Variants in MINK1 observed in about 807,000 individuals in gnomAD.
MINK1 encodes the protein misshapen like kinase 1.
A neutral mutation model predicts 178.4 loss-of-function variants in MINK1; 46 were observed. The ratio of observed to expected loss-of-function variants is 0.26; its 90% CI spans 0.20 to 0.33. The LOEUF is 0.33. Among genes scored for constraint, MINK1 ranks in the 10% least tolerant of loss-of-function variants. The probability of loss-of-function intolerance (pLI) is 1.00; values close to 1 mark genes in which losing one functional copy is unlikely to be tolerated. For synonymous variants in MINK1, 797 were observed against 709.7 expected, an observed-to-expected ratio of 1.12 and a Z score of -1.96; for missense variants, 1,366 against 1,814.9, an observed-to-expected ratio of 0.75 and a Z score of 4.49.
intron 1 of MINK1, among the ~76,000 whole-genome samples, chr17:4,868,668 G>A (rs1043167612): frequency 6.6e-6 from 1 of 152,140 alleles, no homozygotes; most frequent in Admixed American, 6.6e-5. Context: ...TTAGGTTAAC[G>A]CTATATCTTG....
chr17:4,835,535 G>T (rs984938239), intron 1 of MINK1, among the ~76,000 whole-genome samples: 1 of 152,198 alleles, frequency 6.6e-6, no homozygotes, highest in Non-Finnish European at 1.5e-5. Context: ...GCTGAGGCAG[G>T]AGAACTGCTT....
intron 4 of MINK1, chr17:4,883,251 C>A (rs1967873885): frequency 1.3e-5 from 2 of 149,064 alleles, no homozygotes; most frequent in South Asian, 4.3e-4. Flanking sequence ...GTCACTCAGG[C>A]TGGAGTGCAG....
At chr17:4,859,227 G>GTTCTTC (rs1180498110) in intron 1 of MINK1, 51 of 985,234 alleles carry the variant, frequency 5.2e-5, no homozygotes, top group Non-Finnish European at 6.0e-5. Context: ...TATGGTTCCA[G>GTTCTTC]TTCTTCTACC....
chr17:4,892,590 T>C, intron 18 of MINK1, 66 bp from the exon 19 acceptor site: 1 of 1,542,998 alleles, frequency 6.5e-7, no homozygotes, highest in Admixed American at 1.8e-5. Context: ...CCCTCTGCAG[T>C]GCAGCTCAGC....
chr17:4,847,593 A>C (rs2038473605), intron 1 of MINK1, among the ~76,000 whole-genome samples: 1 of 152,220 alleles, frequency 6.6e-6, no homozygotes, highest in African/African-American at 2.4e-5. Flanking sequence ...TAGAGGTCAA[A>C]ATATGCTTTA....
intron 1 of MINK1, among the ~76,000 whole-genome samples, chr17:4,853,730 G>C (rs1912582653): frequency 6.6e-6 from 1 of 152,040 alleles, no homozygotes; most frequent in South Asian, 2.1e-4. Context: ...GGATGAACTT[G>C]ATTCTGCTGA....
chr17:4,891,591 C>T lies in MINK1; in HGVS notation c.1876C>T (p.Pro626Ser). The T allele has an allele frequency of 6.2e-7, 1 of 1,605,026 alleles. No homozygotes were observed. The highest frequency in any genetic ancestry group is 8.5e-7 in the Non-Finnish European group (1 of 1,176,346). The change falls in exon 16 of 32, where the codon CCC becomes TCC. Residue 626 changes from proline to serine, a missense_variant. Around this residue, in one of 14 missense-constraint regions of MINK1, gnomAD observed 709 missense variants for 692.3 expected, o/e 1.02. Transcript: ENST00000355280. ...SHDPDPAIPA[P>S]TATPSARGAV... is the part of the protein sequence containing the mutation. The stretch of plus-strand genomic sequence containing the variant: ...TGACCCCGACCCTGCCATCCCCGCA[C>T]CCACTGCCACGCCCAGTGCCCGAGG...
intron 1 of MINK1, among the ~76,000 whole-genome samples, chr17:4,837,079 C>T (rs184122314): frequency 1.2e-3 from 177 of 152,178 alleles, no homozygotes; most frequent in Non-Finnish European, 1.5e-3. Context: ...CCCAGTTACT[C>T]GGGAGGCTGA....
At position 4,851,690 on chromosome 17, in the gene MINK1, AT is replaced by A. The variant is rs149818390; in HGVS notation, c.57+18052del. ...TGTGGTTTTTGCCAACCACGTAGGA[AT>A]TCCCTGCCTTAAGAAAGTCCACTCT... On this transcript the variant is annotated intron_variant, in intron 1 of 31. Coordinates refer to ENST00000355280, the MANE Select transcript of MINK1 (RefSeq NM_153827.5). Among the ~76,000 whole-genome samples, 714 of 152,100 alleles carry A rather than the reference AT, an allele frequency of 4.7e-3. 3 individuals are homozygous for A. Among genetic ancestry groups the A allele is most frequent in the Middle Eastern group, 0.014 (4 of 294 alleles).
intron 1 of MINK1, among the ~76,000 whole-genome samples, chr17:4,876,807 G>A (rs1398344395): frequency 6.6e-6 from 1 of 152,156 alleles, no homozygotes; most frequent in East Asian, 1.9e-4. Flanking sequence ...TCGGCTCTGA[G>A]GCAGGCGTGG....
intron 1 of MINK1, among the ~76,000 whole-genome samples, chr17:4,867,647 A>G (rs1915240346): frequency 6.6e-6 from 1 of 151,916 alleles, no homozygotes; most frequent in Admixed American, 6.6e-5. Flanking sequence ...TAAAATTACA[A>G]AAATTAGCCA....
rs766022684 is a variant in MINK1 at position 4,872,329 on chromosome 17, T to TAA, written c.58-5972_58-5971dup. ...TGAGCAACAGAATGAGACTAAGTCTTAAAAAAAAAAAAAAAAAGGATGGAC... is the reference window on the plus strand; with the variant it reads ...TGAGCAACAGAATGAGACTAAGTCTTAAAAAAAAAAAAAAAAAAAGGATGGAC... On this transcript the variant is annotated intron_variant, in intron 1 of 31. Transcript: ENST00000355280. 1.5e-3 allele frequency among the ~76,000 whole-genome samples: 178 copies of TAA among 117,618 alleles called. 1 individual carries two copies. The highest frequency in any genetic ancestry group is 5.2e-3 in the African/African-American group (163 of 31,568). The allele number at this position is 117,618 out of a possible 152,430, so 77.2% of individuals were successfully genotyped here.
At chr17:4,897,163 C>T in intron 31 of MINK1, 41 bp from the exon 32 acceptor site, 1 of 1,567,942 alleles carries the variant, frequency 6.4e-7, no homozygotes, top group East Asian at 2.3e-5. Flanking sequence ...GACACCCCCC[C>T]AACCTCAGCC....
chr17:4,856,720 C>T (rs1235765259), intron 1 of MINK1: 1 of 152,684 alleles, frequency 6.5e-6, no homozygotes, highest in East Asian at 1.9e-4. Flanking sequence ...GGCCTGAGTC[C>T]TCACTGGTCG....
chr17:4,876,944 C>G (rs900947450), intron 1 of MINK1, among the ~76,000 whole-genome samples: 1 of 152,110 alleles, frequency 6.6e-6, no homozygotes, highest in Non-Finnish European at 1.5e-5. Context: ...AAAAAACTAG[C>G]CAGGAGCGGT....
Position 4,896,908 on chromosome 17 carries a change from CT to C in MINK1, c.3915+97del, listed in dbSNP as rs766228067. ...TCTGGGGAGAGGATGGTGGTGGTGG[CT>C]TCCTGAAAGCGGGCCCCTCTGGGAG... On this transcript the variant is annotated intron_variant, in intron 31 of 31. Coordinates refer to ENST00000355280, the MANE Select transcript of MINK1 (RefSeq NM_153827.5). This position sits in a 1 kb window ranked among gnomAD's most constrained non-coding sequence, Gnocchi z 4.6. 36 of 1,455,944 alleles carry C rather than the reference CT, an allele frequency of 2.5e-5. No homozygotes were observed. Among genetic ancestry groups the C allele is most frequent in the Non-Finnish European group, 3.3e-5 (36 of 1,100,044 alleles). The allele number at this position is 1,455,944 out of a possible 1,614,324, so 90.2% of individuals were successfully genotyped here.
Position 4,895,339 on chromosome 17 carries a change from T to C in MINK1, c.3086-11T>C. 1 of 1,602,948 alleles carries C rather than the reference T, an allele frequency of 6.2e-7. No individual in the cohort carries two copies. The highest frequency in any genetic ancestry group is 8.5e-7 in the Non-Finnish European group (1 of 1,173,290). On this transcript the variant is annotated splice_polypyrimidine_tract_variant and intron_variant, in intron 25 of 31. Transcript: ENST00000355280. The surrounding 1 kb of genome is among the most constrained non-coding windows in gnomAD (Gnocchi z 4.3). ...CTGAGCCTCTGACCTGCCCAAGGGC[T>C]CCTGTTGCAGGGGTCAACCTGCTGG...
At position 4,895,638 on chromosome 17, in the gene MINK1, G is replaced by C. The variant is rs548010911; in HGVS notation, c.3230-60G>C. ...GTATGCTGACAGAGGAGGCCAGGGC[G>C]GTGGCATTCGGGCCTCAGATGAGAA... On this transcript the variant is annotated intron_variant, in intron 26 of 31. Coordinates refer to ENST00000355280, the MANE Select transcript of MINK1 (RefSeq NM_153827.5). This position sits in a 1 kb window ranked among gnomAD's most constrained non-coding sequence, Gnocchi z 4.3. 2 of 1,591,956 alleles carry C rather than the reference G, an allele frequency of 1.3e-6. No homozygotes were observed. The highest frequency in any genetic ancestry group is 1.7e-6 in the Non-Finnish European group (2 of 1,167,064).
intron 2 of MINK1, among the ~76,000 whole-genome samples, chr17:4,879,376 T>C (rs1034846504): frequency 6.6e-6 from 1 of 152,240 alleles, no homozygotes. Flanking sequence ...CACAAGTCTC[T>C]TCTACATCTC....
Sources: gnomAD v4.1 joint callset for allele counts (sites outside exome capture counted in the v4.1 genomes callset) on GRCh38, gnomAD v4.1.1 for gene constraint, gnomAD v4.1.1 regional missense constraint, Gnocchi (gnomAD v3.1) non-coding constraint, MANE v1.5 for transcripts, NCBI Gene and HGNC (gene_info 2026-07-23, HGNC 2026-07-21) for gene names.